LDLRAP1: variants seen among roughly 807,000 people sequenced by gnomAD.
The protein encoded by LDLRAP1 is low density lipoprotein receptor adapter protein 1.
In LDLRAP1, 30 loss-of-function variants were observed where a neutral mutation model predicts 37.8. The observed-to-expected ratio is 0.79, with a 90% CI of 0.59 to 1.08. The LOEUF (loss-of-function observed/expected upper bound fraction) is 1.08, where lower values mean the gene tolerates loss of function less well. Among genes scored for constraint, LDLRAP1 ranks in the 50% least tolerant of loss-of-function variants. LDLRAP1 has a pLI of 0.00. For synonymous variants in LDLRAP1, 156 were observed against 169.8 expected, an observed-to-expected ratio of 0.92 and a Z score of 0.63; for missense variants, 375 against 401.6, an observed-to-expected ratio of 0.93 and a Z score of 0.57.
the LDLRAP1 span, among the ~76,000 whole-genome samples, chr1:25,580,963 C>T: frequency 2.0e-5 from 3 of 152,166 alleles, no homozygotes; most frequent in African/African-American, 4.8e-5. Context: ...CAGAACCAGG[C>T]TCTGGAGGAG....
At chr1:25,557,359 CA>C (rs2044229610) in intron 4 of LDLRAP1, 92 bp downstream of exon 4, 3 of 946,742 alleles carry the variant, frequency 3.2e-6, no homozygotes, top group African/African-American at 3.2e-5. Context: ...AGGCAGGACC[CA>C]AAGGTGACCA....
the LDLRAP1 span, among the ~76,000 whole-genome samples, chr1:25,585,518 G>A: frequency 6.6e-6 from 1 of 152,096 alleles, no homozygotes; most frequent in Non-Finnish European, 1.5e-5. Context: ...GTAGAGACAG[G>A]GTTTCACCGT....
intron 4 of LDLRAP1, among the ~76,000 whole-genome samples, chr1:25,560,991 T>G (rs976853392): frequency 2.0e-5 from 3 of 152,266 alleles, no homozygotes; most frequent in African/African-American, 4.8e-5. Flanking sequence ...CAGTTTAACT[T>G]ACAGCTTGGG....
At chr1:25,578,555 G>A in the LDLRAP1 span, among the ~76,000 whole-genome samples, 6 of 152,034 alleles carry the variant, frequency 3.9e-5, no homozygotes, top group Non-Finnish European at 5.9e-5. Flanking sequence ...TGTCGCCCAG[G>A]CTGGAGTGCA....
chr1:25,553,855 G>GT lies in LDLRAP1; in HGVS notation c.89-66dup, dbSNP rs1476423287. The GT allele has an allele frequency of 3.1e-6, 5 of 1,592,372 alleles. No individual in the cohort carries two copies. The East Asian group carries it at 1.1e-4, about 36-fold the overall frequency. ...TGGGGTTTCCTAGGAAAGAAGGCTG[G>GT]TGAGAGCTGTTGCTGGTGGTGGGCC... On this transcript the variant is annotated intron_variant, in intron 1 of 8. Transcript: ENST00000374338.
At chr1:25,570,552 C>T (rs1227404748), downstream of LDLRAP1, among the ~76,000 whole-genome samples, 2 of 152,092 alleles carry the variant, frequency 1.3e-5, no homozygotes, top group African/African-American at 4.8e-5. Flanking sequence ...AGAGGAGGTG[C>T]CCGTTTGTAT....
intron 7 of LDLRAP1, 85 bp from the exon 8 acceptor site, chr1:25,565,088 G>A: frequency 6.8e-7 from 1 of 1,474,368 alleles, no homozygotes; most frequent in South Asian, 1.1e-5. Context: ...AGTCCCTGTA[G>A]CTTACCCAGG....
At chr1:25,579,040 A>G in the LDLRAP1 span, among the ~76,000 whole-genome samples, 3 of 152,216 alleles carry the variant, frequency 2.0e-5, no homozygotes, top group Admixed American at 6.5e-5. Flanking sequence ...TGAAGCTAAC[A>G]GTATGCAGTA....
chr1:25,589,304 AAAAGAAAGAAAG>A, the LDLRAP1 span, among the ~76,000 whole-genome samples: 157 of 149,054 alleles, frequency 1.1e-3, no homozygotes, highest in African/African-American at 3.8e-3. Context: ...ACTCCATCTC[AAAAGAAAGAAAG>A]AAAGAAAGAA....
chr1:25,562,524 C>A, intron 4 of LDLRAP1, 120 bp from the exon 5 acceptor site: 1 of 799,300 alleles, frequency 1.3e-6, no homozygotes, highest in Non-Finnish European at 2.2e-6. Flanking sequence ...TGGGATGGAG[C>A]TGCAGAAGCT....
In LDLRAP1 at chr1:25,555,025, G is replaced by A. The variant is rs2044167723; in HGVS notation, c.344+53G>A. The A allele has an allele frequency of 7.7e-7, 1 of 1,292,258 alleles. No homozygotes were observed. The highest frequency in any genetic ancestry group is 1.7e-5 in the Admixed American group (1 of 58,088). The allele number at this position is 1,292,258 out of a possible 1,614,324, so 80.0% of individuals were successfully genotyped here. On this transcript the variant is annotated intron_variant, in intron 3 of 8. Coordinates refer to ENST00000374338, the MANE Select transcript of LDLRAP1 (RefSeq NM_015627.3). The surrounding 1 kb of genome is among the most constrained non-coding windows in gnomAD (Gnocchi z 4.7). ...CACTCTGCCACTTGGGGCAGTGGGT[G>A]GAGTATCCCATCTGAATCCAGGCTC...
chr1:25,556,286 G>A (rs761892170), intron 3 of LDLRAP1, among the ~76,000 whole-genome samples: 2 of 152,142 alleles, frequency 1.3e-5, no homozygotes, highest in Admixed American at 6.5e-5. Context: ...TGGAGGCAAC[G>A]AGGAGGGACC....
At chr1:25,575,392 C>T in the LDLRAP1 span, among the ~76,000 whole-genome samples, 2 of 136,018 alleles carry the variant, frequency 1.5e-5, no homozygotes, top group East Asian at 4.3e-4. Context: ...TTGAGACCAG[C>T]ATGAGCAACC....
chr1:25,586,938 C>T, the LDLRAP1 span, among the ~76,000 whole-genome samples: 3 of 152,192 alleles, frequency 2.0e-5, no homozygotes, highest in African/African-American at 4.8e-5. This position sits in a 1 kb window ranked among gnomAD's most constrained non-coding sequence, Gnocchi z 4.3. Context: ...TAGTCCCAGA[C>T]TGAGCCCTAA....
the LDLRAP1 span, among the ~76,000 whole-genome samples, chr1:25,585,340 T>G: frequency 2.6e-5 from 4 of 151,874 alleles, no homozygotes. Context: ...TGTTTTTTTT[T>G]TTTGAGACGG....
At chr1:25,583,915 G>T in the LDLRAP1 span, among the ~76,000 whole-genome samples, 184 of 152,168 alleles carry the variant, frequency 1.2e-3, no homozygotes, top group African/African-American at 4.3e-3. Flanking sequence ...GGCTTCTCTC[G>T]CTCTGTGGGA....
chr1:25,549,226 G>A (rs1366753263), intron 1 of LDLRAP1, among the ~76,000 whole-genome samples: 1 of 152,234 alleles, frequency 6.6e-6, no homozygotes, highest in African/African-American at 2.4e-5. Flanking sequence ...ACAGCCCAGA[G>A]AAGCAGCTAC....
chr1:25,563,996 C>G, intron 7 of LDLRAP1: 1 of 657,426 alleles, frequency 1.5e-6, no homozygotes, highest in South Asian at 1.7e-5. Context: ...AGGCTTGGCT[C>G]CCAGCACAGC....
chr1:25,567,057 G>A lies in LDLRAP1; in HGVS notation c.*65G>A. 6.2e-7 allele frequency: 1 copy of A among 1,604,586 alleles called. No homozygotes were observed. The highest frequency in any genetic ancestry group is 8.5e-7 in the Non-Finnish European group (1 of 1,174,880). The stretch of plus-strand genomic sequence containing the variant: ...GATGGACCAAAGCCACCTGCTGCGG[G>A]GGAGCCAGTTCTGGGGCCCGCCTGC... On this transcript the variant is annotated 3_prime_UTR_variant, in exon 9 of 9. Coordinates refer to ENST00000374338, the MANE Select transcript of LDLRAP1 (RefSeq NM_015627.3).
Sources: allele counts gnomAD v4.1 joint callset (sites outside exome capture counted in the v4.1 genomes callset), GRCh38; gene constraint gnomAD v4.1.1; non-coding constraint Gnocchi (gnomAD v3.1); transcripts MANE v1.5; gene names NCBI Gene and HGNC (gene_info 2026-07-23, HGNC 2026-07-21).